Variants in SLC43A2 observed in about 807,000 individuals in gnomAD.
SLC43A2 encodes solute carrier family 43 member 2.
In SLC43A2, 38 loss-of-function variants were observed where a neutral mutation model predicts 63.2. The ratio of observed to expected loss-of-function variants is 0.60; its 90% CI spans 0.46 to 0.79. SLC43A2 has a LOEUF of 0.79. SLC43A2 is among the 30% of genes least tolerant of loss of function. The probability of loss-of-function intolerance (pLI) is 0.00; values close to 1 mark genes in which losing one functional copy is unlikely to be tolerated. For synonymous variants in SLC43A2, 322 were observed against 331.0 expected (o/e 0.97, Z 0.30); for missense variants, 644 against 756.2 (o/e 0.85, Z 1.74).
chr17:1,581,509 G>A (rs936281376), intron 11 of SLC43A2, among the ~76,000 whole-genome samples: 4 of 152,158 alleles, frequency 2.6e-5, no homozygotes, highest in Non-Finnish European at 4.4e-5. Flanking sequence ...TCCCACGGTG[G>A]GGCACACCTG....
At chr17:1,607,851 G>C (rs1008979045) in intron 5 of SLC43A2, among the ~76,000 whole-genome samples, 2 of 151,920 alleles carry the variant, frequency 1.3e-5, no homozygotes, top group Non-Finnish European at 2.9e-5. Flanking sequence ...GAGTCGTGGG[G>C]ACTACAGGCG....
At chr17:1,597,441 G>A (rs897132199) in intron 5 of SLC43A2, among the ~76,000 whole-genome samples, 1 of 148,656 alleles carries the variant, frequency 6.7e-6, no homozygotes, top group Non-Finnish European at 1.5e-5. Flanking sequence ...GGTGGTGGAG[G>A]TTGCAGTGAG....
intron 2 of SLC43A2, among the ~76,000 whole-genome samples, chr17:1,625,233 G>A (rs927690046): frequency 1.2e-4 from 18 of 152,296 alleles, no homozygotes; most frequent in South Asian, 4.1e-4. Context: ...AACAAACTGC[G>A]GGGCAGCCGA....
intron 3 of SLC43A2, chr17:1,616,308 T>A (rs1380444938): frequency 5.7e-6 from 3 of 528,126 alleles, no homozygotes; most frequent in Admixed American, 3.5e-5. Flanking sequence ...GAAACACATG[T>A]TCTTAGTGAC....
In SLC43A2 at chr17:1,595,292, A is replaced by G. The variant is rs79593304; in HGVS notation, c.502-2013T>C. 5.7e-3 allele frequency among the ~76,000 whole-genome samples: 852 copies of G among 150,168 alleles called. 4 individuals are homozygous for G. Among genetic ancestry groups the G allele is most frequent in the Admixed American group, 0.014 (214 of 15,150 alleles). ...CGAGACTCTGTGTCAAAAAAAAAAA[A>G]AGAGAGAGAGAGACAGGGTCTCATT... On this transcript the variant is annotated intron_variant, in intron 5 of 13. Transcript: ENST00000301335.
chr17:1,591,719 C>CGGGGAGG lies in SLC43A2; in HGVS notation c.595-21_595-20insCCTCCCC. The CGGGGAGG allele has an allele frequency of 3.4e-5, 4 of 118,062 alleles. No individual in the cohort carries two copies. Among genetic ancestry groups the CGGGGAGG allele is most frequent in the South Asian group, 1.0e-4 (1 of 9,598 alleles). 7.3% of individuals were successfully genotyped at this position (118,062 alleles called of 1,614,324 possible). A position where few individuals can be genotyped will look rare whatever the true frequency, so the allele number is the denominator to read the frequency against. ...GATGAGCTGACAGGCACCGCGGGGA[C>CGGGGAGG]GGGGTGGGGGGGGGAGGGGGCAGAG... On this transcript the variant is annotated intron_variant, in intron 6 of 13. Coordinates refer to ENST00000301335, the MANE Select transcript of SLC43A2 (RefSeq NM_152346.3).
At chr17:1,598,942 C>G (rs1350641452) in intron 5 of SLC43A2, among the ~76,000 whole-genome samples, 5 of 152,240 alleles carry the variant, frequency 3.3e-5, no homozygotes, top group Non-Finnish European at 7.3e-5. Context: ...ACATGTTATT[C>G]TGGTCAGCAG....
intron 2 of SLC43A2, among the ~76,000 whole-genome samples, chr17:1,620,337 C>T (rs1425213777): frequency 6.6e-6 from 1 of 152,136 alleles, no homozygotes; most frequent in Non-Finnish European, 1.5e-5. Context: ...CACTGCACTC[C>T]AGCCTGGGCC....
intron 9 of SLC43A2, chr17:1,587,063 C>G: frequency 8.0e-7 from 1 of 1,245,444 alleles, no homozygotes; most frequent in South Asian, 1.4e-5. Context: ...TCACTCCATG[C>G]CCAGCACGCA....
intron 5 of SLC43A2, among the ~76,000 whole-genome samples, chr17:1,602,048 C>T (rs555998556): frequency 9.3e-5 from 14 of 151,032 alleles, no homozygotes; most frequent in Non-Finnish European, 1.3e-4. Flanking sequence ...AATGCAAAGG[C>T]GCTATTGAGC....
At chr17:1,598,636 T>A (rs1306050595) in intron 5 of SLC43A2, among the ~76,000 whole-genome samples, 1 of 152,206 alleles carries the variant, frequency 6.6e-6, no homozygotes, top group African/African-American at 2.4e-5. Flanking sequence ...ATTTTCCTTC[T>A]ACCTTTTTAA....
intron 4 of SLC43A2, among the ~76,000 whole-genome samples, chr17:1,614,282 G>A (rs564876019): frequency 6.6e-6 from 1 of 152,016 alleles, no homozygotes; most frequent in South Asian, 2.1e-4. Flanking sequence ...GTGTGTGTGC[G>A]TGCCTGTAGT....
intron 5 of SLC43A2, among the ~76,000 whole-genome samples, chr17:1,601,810 G>C (rs1906056165): frequency 6.7e-6 from 1 of 150,214 alleles, no homozygotes; most frequent in African/African-American, 2.5e-5. Flanking sequence ...CCCTCCGGAA[G>C]GTCCAAACCG....
At chr17:1,594,612 G>C (rs1905104651) in intron 5 of SLC43A2, among the ~76,000 whole-genome samples, 1 of 128,876 alleles carries the variant, frequency 7.8e-6, no homozygotes. Context: ...TTTTGAGACG[G>C]AGTCTCGCTC....
chr17:1,582,227 G>A (rs1164602306), intron 11 of SLC43A2, among the ~76,000 whole-genome samples: 1 of 152,074 alleles, frequency 6.6e-6, no homozygotes, highest in Non-Finnish European at 1.5e-5. Context: ...TTACAGGAGT[G>A]TGCCACCATG....
At chr17:1,584,256 A>G (rs1486153002) in intron 10 of SLC43A2, among the ~76,000 whole-genome samples, 1 of 152,172 alleles carries the variant, frequency 6.6e-6, no homozygotes, top group Non-Finnish European at 1.5e-5. Flanking sequence ...ACACCCACGC[A>G]GACACCCTGG....
At chr17:1,629,977 C>T (rs1383126683), upstream of SLC43A2, among the ~76,000 whole-genome samples, 2 of 152,192 alleles carry the variant, frequency 1.3e-5, no homozygotes, top group African/African-American at 4.8e-5. Flanking sequence ...GCGGTGTCCA[C>T]GTCTGGAATC....
In SLC43A2 at chr17:1,583,554, C is replaced by T. The variant is rs998443490; in HGVS notation, c.1218-218G>A. 40 of 679,536 alleles carry T rather than the reference C, an allele frequency of 5.9e-5. 1 individual carries two copies. Among genetic ancestry groups the T allele is most frequent in the Admixed American group, 6.1e-5 (2 of 32,598 alleles). 42.1% of individuals were successfully genotyped at this position (679,536 alleles called of 1,614,324 possible). On this transcript the variant is annotated intron_variant, in intron 10 of 13. Coordinates refer to ENST00000301335, the MANE Select transcript of SLC43A2 (RefSeq NM_152346.3). The surrounding 1 kb of genome is among the most constrained non-coding windows in gnomAD (Gnocchi z 5.5). ...TGAGTGTGACTCTCGGAGGGGGTCT[C>T]GGGTACAAGAAGATGGCCATCCATA...
chr17:1,617,444 G>A (rs944670260), intron 2 of SLC43A2, among the ~76,000 whole-genome samples: 3 of 151,946 alleles, frequency 2.0e-5, no homozygotes, highest in Non-Finnish European at 4.4e-5. Context: ...AGGCTGGAGT[G>A]CAGTAGCACG....
Sources: gnomAD v4.1 joint callset for allele counts (sites outside exome capture counted in the v4.1 genomes callset) on GRCh38, gnomAD v4.1.1 for gene constraint, Gnocchi (gnomAD v3.1) non-coding constraint, MANE v1.5 for transcripts, NCBI Gene and HGNC (gene_info 2026-07-23, HGNC 2026-07-21) for gene names.